The following DNER variants were observed in gnomAD, a reference collection of about 807,000 sequenced individuals.
DNER encodes delta and Notch-like epidermal growth factor-related receptor.
Under a neutral mutation model 78.2 loss-of-function variants are expected in DNER, and 33 were observed. The observed-to-expected ratio is 0.42, with a 90% CI of 0.32 to 0.56. The LOEUF is 0.56. Among genes scored for constraint, DNER ranks in the 20% least tolerant of loss-of-function variants. DNER has a pLI of 0.11. For missense variants in DNER, 918 were observed against 975.3 expected, an observed-to-expected ratio of 0.94 and a Z score of 0.78; for synonymous variants, 417 against 384.8, an observed-to-expected ratio of 1.08 and a Z score of -0.98.
At chr2:229,392,863 C>T (rs1333454894) in intron 10 of DNER, among the ~76,000 whole-genome samples, 1 of 151,992 alleles carries the variant, frequency 6.6e-6, no homozygotes, top group East Asian at 1.9e-4. Context: ...CAATAAAATC[C>T]AATCACTCAA....
chr2:229,597,325 A>T (rs1354291405), intron 1 of DNER, among the ~76,000 whole-genome samples: 1 of 152,234 alleles, frequency 6.6e-6, no homozygotes, highest in Non-Finnish European at 1.5e-5. Context: ...ATAACAGCAT[A>T]TATAAGATAA....
chr2:229,523,489 T>C (rs948473316), intron 5 of DNER, among the ~76,000 whole-genome samples: 2 of 152,208 alleles, frequency 1.3e-5, no homozygotes, highest in East Asian at 1.9e-4. Context: ...TGTTTGTCTA[T>C]GTCCCAATGT....
At chr2:229,409,054 G>T (rs562691244) in intron 9 of DNER, among the ~76,000 whole-genome samples, 90 of 152,190 alleles carry the variant, frequency 5.9e-4, no homozygotes, top group African/African-American at 2.0e-3. Flanking sequence ...CCTAACCCAG[G>T]TTGCATGGTA....
intron 4 of DNER, among the ~76,000 whole-genome samples, chr2:229,574,181 T>C (rs1407821173): frequency 2.0e-5 from 3 of 152,202 alleles, no homozygotes; most frequent in Non-Finnish European, 4.4e-5. Context: ...GGATAATGTG[T>C]ATCAAATGTG....
chr2:229,681,508 T>C (rs1388382996), intron 1 of DNER, among the ~76,000 whole-genome samples: 1 of 152,074 alleles, frequency 6.6e-6, no homozygotes, highest in African/African-American at 2.4e-5. Context: ...AGAAAACACA[T>C]CCAAACTCAC....
At chr2:229,474,184 G>A (rs1259456775) in intron 7 of DNER, among the ~76,000 whole-genome samples, 1 of 152,060 alleles carries the variant, frequency 6.6e-6, no homozygotes, top group Admixed American at 6.6e-5. Context: ...GGGATTACAG[G>A]CATAAGCCAC....
At chr2:229,432,178 A>T (rs143977362) in intron 8 of DNER, among the ~76,000 whole-genome samples, 1,694 of 152,356 alleles carry the variant, frequency 0.011, 12 homozygotes, top group Middle Eastern at 0.037. Flanking sequence ...AAGCATTTTA[A>T]TAAAATAATC....
Position 229,623,244 on chromosome 2 carries a change from C to T in DNER, c.277-31356G>A, listed in dbSNP as rs559386941. Reference sequence around the variant, plus strand: ...GATGAAGTCTCTCCTTACCTAAGCCCGGGCTGTTTTTTTCTTTGACAAGCT... The same window carrying T: ...GATGAAGTCTCTCCTTACCTAAGCCTGGGCTGTTTTTTTCTTTGACAAGCT... On this transcript the variant is annotated intron_variant, in intron 1 of 12. Transcript: ENST00000341772. Among the ~76,000 whole-genome samples the T allele has an allele frequency of 1.1e-3, 168 of 152,226 alleles. 1 individual carries two copies. The highest frequency in any genetic ancestry group is 2.1e-3 in the Non-Finnish European group (140 of 68,022).
At chr2:229,633,769 G>A (rs545805846) in intron 1 of DNER, among the ~76,000 whole-genome samples, 1 of 152,136 alleles carries the variant, frequency 6.6e-6, no homozygotes, top group African/African-American at 2.4e-5. Flanking sequence ...CCTGTTTCCC[G>A]GCACCACTGG....
intron 10 of DNER, among the ~76,000 whole-genome samples, chr2:229,394,134 C>A (rs73098283): frequency 6.6e-6 from 1 of 152,186 alleles, no homozygotes; most frequent in African/African-American, 2.4e-5. Context: ...TACTGATTAA[C>A]CCCAGTTCCA....
At chr2:229,509,548 G>A (rs1016065566) in intron 6 of DNER, among the ~76,000 whole-genome samples, 4 of 152,194 alleles carry the variant, frequency 2.6e-5, no homozygotes, top group Admixed American at 2.0e-4. Flanking sequence ...GCGCAGTGGC[G>A]CACACCTGTA....
chr2:229,428,059 A>T (rs1693919892), intron 8 of DNER, among the ~76,000 whole-genome samples: 1 of 142,538 alleles, frequency 7.0e-6, no homozygotes, highest in African/African-American at 2.7e-5. Flanking sequence ...TGGGTGACAG[A>T]GCGAGATTCC....
At chr2:229,637,325 G>T (rs1212451379) in intron 1 of DNER, among the ~76,000 whole-genome samples, 1 of 152,182 alleles carries the variant, frequency 6.6e-6, no homozygotes, top group Non-Finnish European at 1.5e-5. Flanking sequence ...TATTAGTTTA[G>T]TTTGATATTA....
At chr2:229,634,900 A>G (rs1559190256) in intron 1 of DNER, among the ~76,000 whole-genome samples, 1 of 152,156 alleles carries the variant, frequency 6.6e-6, no homozygotes, top group Non-Finnish European at 1.5e-5. Flanking sequence ...TCAGGGCCCA[A>G]CCCAAATCCT....
At chr2:229,480,779 A>T (rs1267953324) in intron 6 of DNER, among the ~76,000 whole-genome samples, 1 of 152,244 alleles carries the variant, frequency 6.6e-6, no homozygotes, top group Non-Finnish European at 1.5e-5. Context: ...ACAGTGGTCC[A>T]TATTCAACAC....
rs1183286589 is a variant in DNER, at chr2:229,591,760, T to G, written c.405A>C (p.Ala135=). 6.2e-7 allele frequency: 1 copy of G among 1,614,182 alleles called. No homozygotes were observed. Among genetic ancestry groups the G allele is most frequent in the Admixed American group, 1.7e-5 (1 of 60,036 alleles). Reference sequence around the variant, plus strand: ...AGCCAGTGGCTGGGAGACTGGGAAGTGCCTGTTCACAGTTGGGACCTTCAT... The same window carrying G: ...AGCCAGTGGCTGGGAGACTGGGAAGGGCCTGTTCACAGTTGGGACCTTCAT... ...EGYEGPNCEQ[A]LPSLPATGWT... Residue 135 remains alanine, a synonymous_variant, in exon 2 of 13, where the codon GCA becomes GCC. Transcript: ENST00000341772. This position sits in a 1 kb window ranked among gnomAD's most constrained non-coding sequence, Gnocchi z 4.6.
At chr2:229,694,280 G>A (rs1699628971) in intron 1 of DNER, among the ~76,000 whole-genome samples, 1 of 152,234 alleles carries the variant, frequency 6.6e-6, no homozygotes, top group African/African-American at 2.4e-5. Context: ...AGCCCCCATG[G>A]AGAACCTCTG....
intron 1 of DNER, among the ~76,000 whole-genome samples, chr2:229,679,788 T>C (rs1008824245): frequency 3.9e-5 from 6 of 152,206 alleles, no homozygotes; most frequent in Admixed American, 3.3e-4. Flanking sequence ...AACCTGGGCT[T>C]CCTCACATAG....
At chr2:229,410,428 G>A (rs984342251) in intron 9 of DNER, among the ~76,000 whole-genome samples, 2 of 152,168 alleles carry the variant, frequency 1.3e-5, no homozygotes, top group African/African-American at 2.4e-5. Context: ...GTGTACTTTG[G>A]CTGACACACA....
Sources: allele counts gnomAD v4.1 joint callset (sites outside exome capture counted in the v4.1 genomes callset), GRCh38; gene constraint gnomAD v4.1.1; non-coding constraint Gnocchi (gnomAD v3.1); transcripts MANE v1.5; gene names NCBI Gene and HGNC (gene_info 2026-07-23, HGNC 2026-07-21).